CHST8: variants seen among roughly 807,000 people sequenced by gnomAD.
CHST8 encodes carbohydrate sulfotransferase 8, also known as GALNAC-4-ST1.
Under a neutral mutation model 15.0 loss-of-function variants are expected in CHST8, and 10 were observed. That is an observed-to-expected ratio of 0.67 (90% CI 0.41 to 1.13). CHST8 has a LOEUF of 1.13. CHST8 is among the 50% of genes most tolerant of loss of function. The pLI is 0.00. For synonymous variants in CHST8, 259 were observed against 256.6 expected (o/e 1.01, Z -0.09); for missense variants, 634 against 608.2 (o/e 1.04, Z -0.45).
At chr19:33,676,160 A>C (rs1350838871) in intron 2 of CHST8, among the ~76,000 whole-genome samples, 1 of 152,188 alleles carries the variant, frequency 6.6e-6, no homozygotes, top group Non-Finnish European at 1.5e-5. Flanking sequence ...AGTTTTTTTA[A>C]ATGTGCATTG....
At chr19:33,762,139 C>T (rs1173755642) in intron 3 of CHST8, among the ~76,000 whole-genome samples, 1 of 152,176 alleles carries the variant, frequency 6.6e-6, no homozygotes, top group Admixed American at 6.5e-5. Flanking sequence ...GTGGGTGGCG[C>T]GGGTGTGCTG....
At chr19:33,691,829 G>A (rs1453900469) in intron 3 of CHST8, among the ~76,000 whole-genome samples, 1 of 152,198 alleles carries the variant, frequency 6.6e-6, no homozygotes, top group Non-Finnish European at 1.5e-5. Flanking sequence ...GCAGGTGTTG[G>A]GGTGGAGGGC....
intron 1 of CHST8, among the ~76,000 whole-genome samples, chr19:33,631,112 G>C (rs575497313): frequency 6.6e-6 from 1 of 152,236 alleles, no homozygotes; most frequent in African/African-American, 2.4e-5. Flanking sequence ...AGCCGGCGCT[G>C]TCTATGCTGG....
intron 1 of CHST8, among the ~76,000 whole-genome samples, chr19:33,636,760 G>T (rs1175257779): frequency 6.6e-6 from 1 of 152,146 alleles, no homozygotes; most frequent in Non-Finnish European, 1.5e-5. Flanking sequence ...AATTAGCCGG[G>T]CATGGGGGCT....
At chr19:33,754,140 C>T (rs1207363056) in intron 3 of CHST8, among the ~76,000 whole-genome samples, 2 of 137,388 alleles carry the variant, frequency 1.5e-5, no homozygotes, top group African/African-American at 5.6e-5. Context: ...TCCTACCTGA[C>T]ATCAGTGTGC....
At chr19:33,673,902 C>G (rs754807080) in intron 2 of CHST8, among the ~76,000 whole-genome samples, 5 of 152,156 alleles carry the variant, frequency 3.3e-5, no homozygotes, top group Non-Finnish European at 5.9e-5. Context: ...TACAGGCTCG[C>G]GCCATCACAT....
chr19:33,655,241 T>G (rs1972495498), intron 1 of CHST8, among the ~76,000 whole-genome samples: 1 of 152,200 alleles, frequency 6.6e-6, no homozygotes, highest in African/African-American at 2.4e-5. Context: ...TTTGCCATGT[T>G]GACCAGGCTG....
chr19:33,702,528 A>G (rs1370905823), intron 3 of CHST8, among the ~76,000 whole-genome samples: 1 of 152,224 alleles, frequency 6.6e-6, no homozygotes. Flanking sequence ...CAACAAAGAC[A>G]CCTTCTGAAA....
chr19:33,668,922 A>G (rs1972698460), intron 2 of CHST8, among the ~76,000 whole-genome samples: 1 of 152,150 alleles, frequency 6.6e-6, no homozygotes, highest in Non-Finnish European at 1.5e-5. Flanking sequence ...TGCTTAGAGG[A>G]AGAAAGTTTG....
At chr19:33,642,037 G>T (rs376442965) in intron 1 of CHST8, among the ~76,000 whole-genome samples, 210 of 152,344 alleles carry the variant, frequency 1.4e-3, no homozygotes, top group African/African-American at 4.8e-3. Context: ...CCTGGAGGAT[G>T]AGGGCCTGGG....
chr19:33,630,129 C>T (rs1248182164), intron 1 of CHST8, among the ~76,000 whole-genome samples: 2 of 152,250 alleles, frequency 1.3e-5, no homozygotes, highest in Non-Finnish European at 2.9e-5. Context: ...CTCCTCCAGC[C>T]TTGAGCTGCA....
At chr19:33,644,576 A>T (rs935114179) in intron 1 of CHST8, among the ~76,000 whole-genome samples, 5 of 152,110 alleles carry the variant, frequency 3.3e-5, no homozygotes, top group African/African-American at 1.2e-4. Context: ...CTCTAAAAAA[A>T]AAAATTTTTT....
chr19:33,747,827 C>A (rs926831274), intron 3 of CHST8, among the ~76,000 whole-genome samples: 1 of 152,044 alleles, frequency 6.6e-6, no homozygotes, highest in Admixed American at 6.6e-5. Context: ...GGCTTTTAAG[C>A]TTTGAGATTT....
chr19:33,766,998 C>G (rs1974860542), intron 3 of CHST8, among the ~76,000 whole-genome samples: 1 of 152,250 alleles, frequency 6.6e-6, no homozygotes, highest in South Asian at 2.1e-4. Flanking sequence ...TGCCCTCCTT[C>G]CCCAGTTCTC....
At chr19:33,652,049 C>T (rs774034383) in intron 1 of CHST8, among the ~76,000 whole-genome samples, 33 of 152,168 alleles carry the variant, frequency 2.2e-4, no homozygotes, top group Non-Finnish European at 4.1e-4. Context: ...TCTTTGTAAT[C>T]TTACCAACTT....
At chr19:33,718,954 C>A (rs1973723174) in intron 3 of CHST8, among the ~76,000 whole-genome samples, 1 of 152,096 alleles carries the variant, frequency 6.6e-6, no homozygotes, top group African/African-American at 2.4e-5. Flanking sequence ...GCCTCCAGGT[C>A]TTGCTCTGCA....
At chr19:33,730,428 T>C (rs148775122) in intron 3 of CHST8, among the ~76,000 whole-genome samples, 3 of 152,316 alleles carry the variant, frequency 2.0e-5, no homozygotes, top group African/African-American at 7.2e-5. Flanking sequence ...AATGAGATAA[T>C]ACAGGGACCA....
At chr19:33,679,100 A>G (rs1040697579) in intron 2 of CHST8, among the ~76,000 whole-genome samples, 29 of 152,332 alleles carry the variant, frequency 1.9e-4, no homozygotes, top group African/African-American at 7.0e-4. Flanking sequence ...TCAGAAGTCT[A>G]TGGACTGCCT....
At chr19:33,642,048 G>A (rs1357649321) in intron 1 of CHST8, among the ~76,000 whole-genome samples, 1 of 152,218 alleles carries the variant, frequency 6.6e-6, no homozygotes, top group East Asian at 1.9e-4. Context: ...AGGGCCTGGG[G>A]CCTAGTGTCT....
Sources: gnomAD v4.1 joint callset for allele counts (sites outside exome capture counted in the v4.1 genomes callset) on GRCh38, gnomAD v4.1.1 for gene constraint, MANE v1.5 for transcripts, NCBI Gene and HGNC (gene_info 2026-07-23, HGNC 2026-07-21) for gene names.